Variants in CNTNAP2 observed in about 807,000 individuals in gnomAD.
The protein encoded by CNTNAP2 is contactin associated protein 2.
In CNTNAP2, 98 loss-of-function variants were observed where a neutral mutation model predicts 155.2. The ratio of observed to expected loss-of-function variants is 0.63; its 90% CI spans 0.54 to 0.75. The LOEUF (loss-of-function observed/expected upper bound fraction) is 0.75. Among genes scored for constraint, CNTNAP2 ranks in the 30% least tolerant of loss-of-function variants. The pLI is 0.00. For synonymous variants in CNTNAP2, 651 were observed against 631.2 expected, an observed-to-expected ratio of 1.03 and a Z score of -0.47; for missense variants, 1,727 against 1,688.1, an observed-to-expected ratio of 1.02 and a Z score of -0.40.
chr7:147,173,536 A>T (rs4725705), intron 8 of CNTNAP2, among the ~76,000 whole-genome samples: 1 of 151,950 alleles, frequency 6.6e-6, no homozygotes, highest in Non-Finnish European at 1.5e-5. Context: ...TTGCTACCAG[A>T]AAGAGACCCA....
intron 18 of CNTNAP2, 137 bp downstream of exon 18, chr7:148,172,615 G>A (rs1383393953): frequency 3.5e-6 from 3 of 864,306 alleles, no homozygotes; most frequent in South Asian, 1.4e-5. Context: ...CTCAACTTAG[G>A]TAGGAATTTT....
At chr7:146,635,052 G>A (rs1437471177) in intron 1 of CNTNAP2, among the ~76,000 whole-genome samples, 1 of 152,048 alleles carries the variant, frequency 6.6e-6, no homozygotes. Flanking sequence ...AGAATGGTAG[G>A]AAATCAGAGA....
At chr7:147,334,937 A>G (rs1322478438) in intron 9 of CNTNAP2, among the ~76,000 whole-genome samples, 4 of 152,134 alleles carry the variant, frequency 2.6e-5, no homozygotes, top group African/African-American at 9.7e-5. Flanking sequence ...TGTTATCCAA[A>G]CACTCATTTT....
At chr7:146,815,689 G>A (rs1344314586) in intron 2 of CNTNAP2, among the ~76,000 whole-genome samples, 1 of 152,018 alleles carries the variant, frequency 6.6e-6, no homozygotes. Context: ...TTTACTTTAT[G>A]ATATATATTA....
At chr7:147,966,711 G>GC (rs1040086334) in intron 14 of CNTNAP2, among the ~76,000 whole-genome samples, 5 of 152,062 alleles carry the variant, frequency 3.3e-5, no homozygotes, top group African/African-American at 1.2e-4. Context: ...TATTCCGTCT[G>GC]CCCACAACCA....
intron 3 of CNTNAP2, among the ~76,000 whole-genome samples, chr7:147,040,245 A>C (rs1450829866): frequency 2.0e-5 from 3 of 152,206 alleles, no homozygotes; most frequent in East Asian, 1.9e-4. Context: ...CTCTGTCTAC[A>C]TTGTTGATTT....
chr7:146,633,113 C>A (rs1799536582), intron 1 of CNTNAP2, among the ~76,000 whole-genome samples: 2 of 152,126 alleles, frequency 1.3e-5, no homozygotes, highest in Middle Eastern at 3.2e-3. Flanking sequence ...TATGAACATA[C>A]TTCCTTTCCC....
At chr7:146,512,388 T>C (rs1031572339) in intron 1 of CNTNAP2, among the ~76,000 whole-genome samples, 1 of 151,936 alleles carries the variant, frequency 6.6e-6, no homozygotes, top group African/African-American at 2.4e-5. Flanking sequence ...GGCAGCTTAT[T>C]TGAAGCTTTA....
chr7:147,876,825 G>A lies in CNTNAP2; in HGVS notation c.2099-26740G>A, dbSNP rs575382417. On this transcript the variant is annotated intron_variant, in intron 13 of 23. Coordinates refer to ENST00000361727, the MANE Select transcript of CNTNAP2 (RefSeq NM_014141.6). ...CCAGGAGCACACCACAGAAAGGTGG[G>A]TCTGTGGGCTTGCAAGAACAGGAAC... Among the ~76,000 whole-genome samples the A allele has an allele frequency of 6.6e-5, 10 of 152,232 alleles. No individual in the cohort carries two copies. The South Asian group carries it at 2.1e-3, about 32-fold the overall frequency.
At chr7:146,254,161 AC>A (rs1799802005) in intron 1 of CNTNAP2, among the ~76,000 whole-genome samples, 1 of 131,196 alleles carries the variant, frequency 7.6e-6, no homozygotes, top group African/African-American at 3.2e-5. Flanking sequence ...ACACACACAC[AC>A]AAGCAAACAC....
intron 1 of CNTNAP2, among the ~76,000 whole-genome samples, chr7:146,712,733 A>G (rs1801119803): frequency 2.0e-5 from 3 of 151,852 alleles, no homozygotes; most frequent in Admixed American, 1.3e-4. Flanking sequence ...GAATTTGGTT[A>G]TACACAACAT....
chr7:146,698,607 A>T (rs570034184), intron 1 of CNTNAP2, among the ~76,000 whole-genome samples: 17 of 152,202 alleles, frequency 1.1e-4, no homozygotes, highest in African/African-American at 4.1e-4. Flanking sequence ...TTAACTGTTT[A>T]TCAGAGAGTT....
chr7:147,290,490 G>A (rs1805279098), intron 8 of CNTNAP2, among the ~76,000 whole-genome samples: 1 of 151,946 alleles, frequency 6.6e-6, no homozygotes, highest in South Asian at 2.1e-4. Context: ...AGACCAGCCT[G>A]GGCAACCCGC....
chr7:146,390,222 A>G (rs548806585), intron 1 of CNTNAP2, among the ~76,000 whole-genome samples: 1 of 152,318 alleles, frequency 6.6e-6, no homozygotes, highest in East Asian at 1.9e-4. Flanking sequence ...AAAAGTAAAT[A>G]TTACTTTGTA....
intron 3 of CNTNAP2, among the ~76,000 whole-genome samples, chr7:146,879,846 A>G (rs2129209021): frequency 6.6e-6 from 1 of 152,230 alleles, no homozygotes; most frequent in South Asian, 2.1e-4. Flanking sequence ...GGTAATTTAT[A>G]AAGAAAAAGA....
intron 10 of CNTNAP2, among the ~76,000 whole-genome samples, chr7:147,482,443 G>A (rs778957836): frequency 2.0e-5 from 3 of 152,116 alleles, no homozygotes; most frequent in African/African-American, 4.8e-5. Flanking sequence ...AATCAGGCCC[G>A]TGTGGTGGCT....
intron 1 of CNTNAP2, among the ~76,000 whole-genome samples, chr7:146,651,916 C>T (rs776151146): frequency 1.8e-4 from 28 of 152,142 alleles, no homozygotes; most frequent in Non-Finnish European, 3.4e-4. Flanking sequence ...AGACCACGTG[C>T]ACACAATGGA....
chr7:147,855,343 C>T (rs751691050), intron 13 of CNTNAP2, among the ~76,000 whole-genome samples: 2 of 152,112 alleles, frequency 1.3e-5, no homozygotes, highest in Admixed American at 6.5e-5. Context: ...AATCTCCCAC[C>T]AAGAAGTTAC....
At chr7:147,585,125 G>A (rs143179401) in intron 12 of CNTNAP2, among the ~76,000 whole-genome samples, 65 of 152,202 alleles carry the variant, frequency 4.3e-4, no homozygotes, top group African/African-American at 1.4e-3. Flanking sequence ...TTGAATTCCC[G>A]TGGCTTGACC....
Sources: allele counts gnomAD v4.1 joint callset (sites outside exome capture counted in the v4.1 genomes callset), GRCh38; gene constraint gnomAD v4.1.1; transcripts MANE v1.5; gene names NCBI Gene and HGNC (gene_info 2026-07-23, HGNC 2026-07-21).